The following MYO1F variants were observed in gnomAD, a reference collection of about 807,000 sequenced individuals.
The protein encoded by MYO1F is unconventional myosin-If.
In MYO1F, 60 loss-of-function variants were observed where a neutral mutation model predicts 146.6. The observed-to-expected ratio is 0.41, with a 90% CI of 0.33 to 0.51. The LOEUF is 0.51. Among genes scored for constraint, MYO1F ranks in the 20% least tolerant of loss-of-function variants. The probability of loss-of-function intolerance (pLI) is 0.25; values close to 1 mark genes in which losing one functional copy is unlikely to be tolerated. For synonymous variants in MYO1F, 602 were observed against 602.1 expected, an observed-to-expected ratio of 1.00 and a Z score of 0.00; for missense variants, 1,274 against 1,534.3, an observed-to-expected ratio of 0.83 and a Z score of 2.83.
rs1047394398 is a variant in MYO1F at position 8,530,052 on chromosome 19, A to G, written c.2328+144T>C. The G allele has an allele frequency of 1.5e-5, 17 of 1,116,972 alleles. No homozygotes were observed. Among genetic ancestry groups the G allele is most frequent in the Non-Finnish European group, 2.3e-5 (17 of 751,886 alleles). 69.2% of individuals were successfully genotyped at this position (1,116,972 alleles called of 1,614,324 possible). Reference sequence around the variant, plus strand: ...GGGATCTATGCCTGTGGGCAGGTGCATATGGGCCAGGTGAGGGTGTACCTG... The same window carrying G: ...GGGATCTATGCCTGTGGGCAGGTGCGTATGGGCCAGGTGAGGGTGTACCTG... On this transcript the variant is annotated intron_variant, in intron 21 of 27. Transcript: ENST00000644032. This position sits in a 1 kb window ranked among gnomAD's most constrained non-coding sequence, Gnocchi z 5.8.
At chr19:8,543,979 T>G in intron 14 of MYO1F, 1 of 329,560 alleles carries the variant, frequency 3.0e-6, no homozygotes, top group Non-Finnish European at 5.5e-6. Flanking sequence ...GTGCTGGTGC[T>G]GGTGCTGGTG....
chr19:8,538,585 T>C (rs900908849), intron 16 of MYO1F, among the ~76,000 whole-genome samples: 1 of 97,806 alleles, frequency 1.0e-5, no homozygotes, highest in South Asian at 3.5e-4. Flanking sequence ...CCCGGTCTGA[T>C]TTTTTTTTTT....
In MYO1F at chr19:8,541,942, A is replaced by G; in HGVS notation, c.1574T>C (p.Phe525Ser). ...GFCERNRDVL[F>S]SDLIELMQTS... ...CTGCATCAGCTCTATGAGGTCGGAG[A>G]AGAGAACGTCTCGGTTCCTCTCGCA... The change falls in exon 15 of 28, where the codon TTC becomes TCC. Residue 525 changes from phenylalanine (F) to serine (S), a missense_variant. Phe to Ser is a radical substitution (Grantham distance 155). Coordinates refer to ENST00000644032, the MANE Select transcript of MYO1F (RefSeq NM_012335.4). 1 of 1,613,572 alleles carries G rather than the reference A, an allele frequency of 6.2e-7. No homozygotes were observed. Among genetic ancestry groups the G allele is most frequent in the South Asian group, 1.1e-5 (1 of 91,088 alleles).
intron 21 of MYO1F, chr19:8,529,868 G>C: frequency 2.0e-6 from 1 of 503,122 alleles, no homozygotes; most frequent in Non-Finnish European, 3.7e-6. Context: ...ATTGATCTAG[G>C]CTGGGGGATA....
chr19:8,571,667 G>T (rs76653224), intron 1 of MYO1F, among the ~76,000 whole-genome samples: 15,968 of 151,548 alleles, frequency 0.11, 963 homozygotes, highest in Non-Finnish European at 0.14. Context: ...GCGCCATCTC[G>T]GCTCACTGCA....
At position 8,564,142 on chromosome 19, in the gene MYO1F, A is replaced by G. The variant is rs369774141; in HGVS notation, c.4-8346T>C. On this transcript the variant is annotated intron_variant, in intron 1 of 27. Coordinates refer to ENST00000644032, the MANE Select transcript of MYO1F (RefSeq NM_012335.4). Reference sequence around the variant, plus strand: ...ATGCCTATAATCCCAGCACTTTGGGAGGCCAAGGTGGATGGATCACTTGAG... The same window carrying G: ...ATGCCTATAATCCCAGCACTTTGGGGGGCCAAGGTGGATGGATCACTTGAG... Among the ~76,000 whole-genome samples the G allele has an allele frequency of 2.1e-3, 326 of 152,040 alleles. 2 individuals are homozygous for G. Among genetic ancestry groups the G allele is most frequent in the African/African-American group, 7.7e-3 (320 of 41,510 alleles).
At chr19:8,564,731 G>A (rs2041969905) in intron 1 of MYO1F, among the ~76,000 whole-genome samples, 2 of 151,646 alleles carry the variant, frequency 1.3e-5, no homozygotes, top group Admixed American at 1.3e-4. Flanking sequence ...GAGAGAGGCT[G>A]TGGGGGAGAA....
chr19:8,562,007 G>A (rs1676778819), intron 1 of MYO1F, among the ~76,000 whole-genome samples: 4 of 150,224 alleles, frequency 2.7e-5, no homozygotes, highest in South Asian at 4.2e-4. Flanking sequence ...GAGCCACTGC[G>A]TCTGGCCCTT....
chr19:8,563,437 A>T (rs1402077162), intron 1 of MYO1F, among the ~76,000 whole-genome samples: 2 of 151,554 alleles, frequency 1.3e-5, no homozygotes, highest in African/African-American at 4.8e-5. Context: ...ACCTGGGATT[A>T]TAGGCGTGCA....
intron 1 of MYO1F, among the ~76,000 whole-genome samples, chr19:8,571,515 A>G (rs377305745): frequency 3.3e-5 from 5 of 150,670 alleles, no homozygotes; most frequent in African/African-American, 1.2e-4. Context: ...CCTGGGTTCA[A>G]GCGATTCTCC....
intron 1 of MYO1F, among the ~76,000 whole-genome samples, chr19:8,559,264 G>T (rs1036418581): frequency 1.7e-4 from 24 of 142,860 alleles, no homozygotes; most frequent in Non-Finnish European, 2.8e-4. Flanking sequence ...GTCCACGTGG[G>T]CAACTGTAAG....
chr19:8,576,931 G>T, intron 1 of MYO1F: 5 of 407,518 alleles, frequency 1.2e-5, no homozygotes, highest in South Asian at 1.1e-4. Context: ...GAAGTGACTA[G>T]CCCAAGGCTA....
chr19:8,576,678 G>A (rs1258843475), intron 1 of MYO1F: 1 of 157,538 alleles, frequency 6.3e-6, no homozygotes, highest in Non-Finnish European at 1.4e-5. Context: ...CCCACCAAAG[G>A]GTGGCATGGA....
Position 8,526,519 on chromosome 19 carries a change from C to T in MYO1F, c.2704G>A (p.Ala902Thr), listed in dbSNP as rs1352384751. Residue 902 changes from alanine to threonine, a missense_variant, in exon 24 of 28, where the codon GCA becomes ACA. Ala to Thr is a moderately conservative substitution (Grantham distance 58). Around this residue, in one of 2 missense-constraint regions of MYO1F, gnomAD observed 374 missense variants for 379.2 expected, o/e 0.99. Coordinates refer to ENST00000644032, the MANE Select transcript of MYO1F (RefSeq NM_012335.4). ...GTCCGACCGCCAACCTTGAGCACTG[C>T]CAAGTCGCCGAAGCCGCGGGAGAAG... is the stretch of plus-strand genomic sequence containing the variant. Reference protein sequence around the residue: ...VTFSRGFGDLAVLKVGGRTLT... With the variant: ...VTFSRGFGDLTVLKVGGRTLT... 1 of 1,584,778 alleles carries T rather than the reference C, an allele frequency of 6.3e-7. No homozygotes were observed.
At chr19:8,536,018 A>T (rs987310487) in intron 19 of MYO1F, among the ~76,000 whole-genome samples, 1 of 151,782 alleles carries the variant, frequency 6.6e-6, no homozygotes, top group African/African-American at 2.4e-5. Context: ...AGTCTCTCTC[A>T]GTCTCTTACT....
intron 1 of MYO1F, among the ~76,000 whole-genome samples, chr19:8,569,017 T>C (rs1477054162): frequency 6.6e-6 from 1 of 152,062 alleles, no homozygotes; most frequent in Non-Finnish European, 1.5e-5. Context: ...TGCGCCGAGA[T>C]GCCTCAGGAA....
intron 1 of MYO1F, 40 bp from the exon 2 acceptor site, chr19:8,555,836 G>A (rs1163409683): frequency 1.3e-6 from 2 of 1,586,734 alleles, no homozygotes; most frequent in African/African-American, 1.3e-5. Flanking sequence ...CCCTTGCACG[G>A]GGATGCGGCA....
chr19:8,571,319 G>C (rs536587355), intron 1 of MYO1F, among the ~76,000 whole-genome samples: 1 of 152,274 alleles, frequency 6.6e-6, no homozygotes, highest in African/African-American at 2.4e-5. Flanking sequence ...GCCACACCCT[G>C]CGTCCATGCA....
chr19:8,542,155 A>G (rs1973003824), intron 14 of MYO1F, among the ~76,000 whole-genome samples, 164 bp from the exon 15 acceptor site: 1 of 148,238 alleles, frequency 6.7e-6, no homozygotes, highest in African/African-American at 2.5e-5. Flanking sequence ...TCTACAGTTC[A>G]GAATAGGGGA....
Sources: gnomAD v4.1 joint callset for allele counts (sites outside exome capture counted in the v4.1 genomes callset) on GRCh38, gnomAD v4.1.1 for gene constraint, gnomAD v4.1.1 regional missense constraint, Gnocchi (gnomAD v3.1) non-coding constraint, MANE v1.5 for transcripts, NCBI Gene and HGNC (gene_info 2026-07-23, HGNC 2026-07-21) for gene names.